PXDNL: variants seen among roughly 807,000 people sequenced by gnomAD.
PXDNL encodes probable oxidoreductase PXDNL.
A neutral mutation model predicts 150.8 loss-of-function variants in PXDNL; 145 were observed. The observed-to-expected ratio is 0.96, with a 90% CI of 0.84 to 1.10. The LOEUF is 1.10. Ranked by LOEUF, PXDNL falls within the 50% of genes least tolerant of loss-of-function variation. The pLI is 0.00. For missense variants in PXDNL, 2,087 were observed against 1,873.9 expected, an observed-to-expected ratio of 1.11 and a Z score of -2.10; for synonymous variants, 757 against 725.7, an observed-to-expected ratio of 1.04 and a Z score of -0.69.
At chr8:51,647,363 G>A (rs1264141196) in intron 2 of PXDNL, among the ~76,000 whole-genome samples, 3 of 152,134 alleles carry the variant, frequency 2.0e-5, no homozygotes, top group African/African-American at 7.2e-5. Context: ...GGGAAATGAA[G>A]GTGAAGAGAA....
chr8:51,356,197 A>C (rs780446935), intron 19 of PXDNL, among the ~76,000 whole-genome samples: 1 of 152,174 alleles, frequency 6.6e-6, no homozygotes, highest in Non-Finnish European at 1.5e-5. Flanking sequence ...AGCTTCAAAA[A>C]TCTATAACTG....
At chr8:51,694,509 G>C (rs1477523444) in intron 1 of PXDNL, among the ~76,000 whole-genome samples, 1 of 152,212 alleles carries the variant, frequency 6.6e-6, no homozygotes, top group Non-Finnish European at 1.5e-5. Flanking sequence ...CTTCATCAAA[G>C]AGAGCTGCTG....
At chr8:51,453,928 TA>T in intron 9 of PXDNL, 143 bp from the exon 10 acceptor site, 2 of 699,374 alleles carry the variant, frequency 2.9e-6, no homozygotes, top group African/African-American at 3.7e-5. Flanking sequence ...TATACACATT[TA>T]ATTCCCAGAA....
intron 2 of PXDNL, among the ~76,000 whole-genome samples, chr8:51,643,479 T>C (rs889077184): frequency 2.6e-5 from 4 of 152,330 alleles, no homozygotes; most frequent in Middle Eastern, 3.4e-3. Context: ...TTGGGAAAAC[T>C]GGCCTGCCAT....
intron 19 of PXDNL, among the ~76,000 whole-genome samples, chr8:51,367,278 T>C (rs1806952366): frequency 6.6e-6 from 1 of 152,018 alleles, no homozygotes; most frequent in Admixed American, 6.6e-5. Flanking sequence ...ACAAAGACTA[T>C]GAACACACAA....
intron 1 of PXDNL, among the ~76,000 whole-genome samples, chr8:51,808,357 A>C (rs1386665224): frequency 6.6e-6 from 1 of 152,108 alleles, no homozygotes; most frequent in Non-Finnish European, 1.5e-5. Flanking sequence ...TTTTTCTTAA[A>C]TTTTTGAATT....
intron 2 of PXDNL, among the ~76,000 whole-genome samples, chr8:51,652,666 A>G (rs1419776165): frequency 1.3e-5 from 2 of 152,192 alleles, no homozygotes; most frequent in African/African-American, 4.8e-5. Context: ...TACAGCCATG[A>G]ACCTCAATTT....
chr8:51,690,885 C>T (rs1206432382), intron 1 of PXDNL, among the ~76,000 whole-genome samples: 1 of 152,110 alleles, frequency 6.6e-6, no homozygotes, highest in South Asian at 2.1e-4. Context: ...GATGGTATCT[C>T]ATTGTGGTTT....
At chr8:51,743,484 CG>C (rs1383530155) in intron 1 of PXDNL, among the ~76,000 whole-genome samples, 1 of 152,080 alleles carries the variant, frequency 6.6e-6, no homozygotes, top group African/African-American at 2.4e-5. Context: ...AGGGTTCAAG[CG>C]ATTCTCATGC....
At chr8:51,422,605 TA>T (rs1001739873) in intron 14 of PXDNL, among the ~76,000 whole-genome samples, 3 of 152,150 alleles carry the variant, frequency 2.0e-5, no homozygotes, top group African/African-American at 7.2e-5. Flanking sequence ...AACTAAAAGG[TA>T]AAAAAGAATC....
At chr8:51,542,992 A>G (rs1812256059) in intron 4 of PXDNL, among the ~76,000 whole-genome samples, 1 of 152,074 alleles carries the variant, frequency 6.6e-6, no homozygotes, top group Non-Finnish European at 1.5e-5. Context: ...AATAATAACA[A>G]AATAATTAAT....
At chr8:51,527,782 A>C (rs1387586874) in intron 4 of PXDNL, among the ~76,000 whole-genome samples, 1 of 152,216 alleles carries the variant, frequency 6.6e-6, no homozygotes, top group Admixed American at 6.5e-5. Flanking sequence ...AGGGTGCAAC[A>C]GTGGGAATCC....
Position 51,448,991 on chromosome 8 carries a change from T to A in PXDNL, c.1366+11A>T, listed in dbSNP as rs1388730692. 1 of 1,387,820 alleles carries A rather than the reference T, an allele frequency of 7.2e-7. No individual in the cohort carries two copies. Among genetic ancestry groups the A allele is most frequent in the Non-Finnish European group, 1.0e-6 (1 of 997,678 alleles). The allele number at this position is 1,387,820 out of a possible 1,614,324, so 86.0% of individuals were successfully genotyped here. On this transcript the variant is annotated intron_variant, in intron 11 of 22. Coordinates refer to ENST00000356297, the MANE Select transcript of PXDNL (RefSeq NM_144651.5). ...ATTTTTCCCCACAATTACCTGCAGATGTTCTAATACCTGTTTTTGTCCAGA... is the reference window on the plus strand; with the variant it reads ...ATTTTTCCCCACAATTACCTGCAGAAGTTCTAATACCTGTTTTTGTCCAGA...
At chr8:51,484,104 A>C (rs1490981891) in intron 5 of PXDNL, among the ~76,000 whole-genome samples, 2 of 152,184 alleles carry the variant, frequency 1.3e-5, no homozygotes, top group East Asian at 3.8e-4. Flanking sequence ...AATGCATACA[A>C]TTTTTATTTG....
chr8:51,712,829 T>C (rs915475545), intron 1 of PXDNL, among the ~76,000 whole-genome samples: 2 of 152,216 alleles, frequency 1.3e-5, no homozygotes, highest in African/African-American at 4.8e-5. Context: ...AAAATACTTC[T>C]AATACCTTAT....
At chr8:51,361,667 A>C (rs1353879618) in intron 19 of PXDNL, among the ~76,000 whole-genome samples, 2 of 152,178 alleles carry the variant, frequency 1.3e-5, no homozygotes, top group East Asian at 3.9e-4. Context: ...TGCATCTGAA[A>C]ATGAGAATTC....
chr8:51,408,874 C>T lies in PXDNL; in HGVS notation c.2750G>A (p.Arg917Gln). The T allele has an allele frequency of 6.3e-7, 1 of 1,595,424 alleles. No individual in the cohort carries two copies. The highest frequency in any genetic ancestry group is 8.5e-7 in the Non-Finnish European group (1 of 1,171,090). Residue 917 changes from arginine (R) to glutamine (Q), a missense_variant, in exon 17 of 23, where the codon CGG becomes CAG. Transcript: ENST00000356297. ...AGGAAAGCCTGTCTTCAGGAGACCC[C>T]GAGGCACCGAAGGGTCTCTGAGAGC... ...SQALRDPSVPRGLLKTGFPWP... is the reference protein window; with the variant it reads ...SQALRDPSVPQGLLKTGFPWP...
intron 19 of PXDNL, among the ~76,000 whole-genome samples, chr8:51,349,857 A>C (rs1476130361): frequency 6.6e-6 from 1 of 152,232 alleles, no homozygotes; most frequent in African/African-American, 2.4e-5. Flanking sequence ...TGATTTTTCA[A>C]ATTGGCAAAA....
chr8:51,432,711 A>G (rs555607648), intron 12 of PXDNL, among the ~76,000 whole-genome samples: 3 of 152,318 alleles, frequency 2.0e-5, no homozygotes, highest in South Asian at 2.1e-4. Context: ...GTCATATCCA[A>G]TGATCTTGCT....
Sources: gnomAD v4.1 joint callset for allele counts (sites outside exome capture counted in the v4.1 genomes callset) on GRCh38, gnomAD v4.1.1 for gene constraint, MANE v1.5 for transcripts, NCBI Gene and HGNC (gene_info 2026-07-23, HGNC 2026-07-21) for gene names.